The following CNPY3 variants were observed in gnomAD, a reference collection of about 807,000 sequenced individuals.
The protein encoded by CNPY3 is canopy FGF signaling regulator 3.
CNPY3 carries 20 observed loss-of-function variants against 32.0 expected under a neutral mutation model. The observed-to-expected ratio is 0.63, with a 90% CI of 0.44 to 0.91. CNPY3 has a LOEUF of 0.91. CNPY3 is among the 40% of genes least tolerant of loss of function. The probability of loss-of-function intolerance (pLI) is 0.00; values close to 1 mark genes in which losing one functional copy is unlikely to be tolerated. For missense variants in CNPY3, 299 were observed against 340.8 expected, an observed-to-expected ratio of 0.88 and a Z score of 0.97; for synonymous variants, 138 against 142.9, an observed-to-expected ratio of 0.97 and a Z score of 0.24.
chr6:42,938,229 C>G, intron 5 of CNPY3, 22 bp downstream of exon 5: 1 of 1,564,964 alleles, frequency 6.4e-7, no homozygotes, highest in East Asian at 2.2e-5. Context: ...GAAGCAAGGG[C>G]AGGCTGGCTC....
At chr6:42,931,366 C>G (rs908987118) in intron 1 of CNPY3, among the ~76,000 whole-genome samples, 1 of 149,348 alleles carries the variant, frequency 6.7e-6, no homozygotes, top group African/African-American at 2.6e-5. Context: ...GCATGAGCCA[C>G]CGTGCCTGGC....
rs755113974 is a variant in CNPY3, at chr6:42,929,544, C to A, written c.-27C>A. On this transcript the variant is annotated 5_prime_UTR_variant, in exon 1 of 6. Coordinates refer to ENST00000372836, the MANE Select transcript of CNPY3 (RefSeq NM_006586.5). ...GCCGCGGGAGGAGGAACCGCCCGGT[C>A]CTTTAGGGTCCGGGCCCGGCCGGGC... is the stretch of plus-strand genomic sequence containing the variant. 1.3e-6 allele frequency: 2 copies of A among 1,554,156 alleles called. No individual in the cohort carries two copies. Among genetic ancestry groups the A allele is most frequent in the Non-Finnish European group, 1.7e-6 (2 of 1,148,522 alleles).
intron 3 of CNPY3, among the ~76,000 whole-genome samples, chr6:42,936,365 A>G (rs1768234345): frequency 6.6e-6 from 1 of 152,254 alleles, no homozygotes; most frequent in Non-Finnish European, 1.5e-5. Flanking sequence ...TTTAATAAAA[A>G]GTGTTTAAGA....
At chr6:42,935,817 C>A in intron 3 of CNPY3, 147 bp downstream of exon 3, 1 of 956,182 alleles carries the variant, frequency 1.0e-6, no homozygotes, top group Non-Finnish European at 1.5e-6. Context: ...GTTTGTGCTC[C>A]TCCCCTCTTG....
Position 42,938,554 on chromosome 6 carries a change from C to A in CNPY3, c.614-14C>A. 6.4e-7 allele frequency: 1 copy of A among 1,565,698 alleles called. No individual in the cohort carries two copies. Among genetic ancestry groups the A allele is most frequent in the South Asian group, 1.2e-5 (1 of 85,452 alleles). ...AGGCACTTCTGTTGAGGGTCTCTCT[C>A]CTCCACACCCTAGGTTGCCTGGCAG... On this transcript the variant is annotated splice_polypyrimidine_tract_variant and intron_variant, in intron 5 of 5. Transcript: ENST00000372836.
At chr6:42,929,770 C>T (rs761332441) in intron 1 of CNPY3, 49 bp downstream of exon 1, 4 of 1,514,020 alleles carry the variant, frequency 2.6e-6, no homozygotes, top group South Asian at 1.2e-5. Flanking sequence ...GGGCTGGCTC[C>T]AGCGGTGGTG....
At position 42,934,469 on chromosome 6, in the gene CNPY3, C is replaced by T; in HGVS notation, c.152-6C>T. The T allele has an allele frequency of 6.2e-7, 1 of 1,613,952 alleles. No individual in the cohort carries two copies. The highest frequency in any genetic ancestry group is 8.5e-7 in the Non-Finnish European group (1 of 1,179,920). Reference sequence around the variant, plus strand: ...CTCAGTGGGCTGTGCTACCTCCCTCCCCCAGTGTGTAAATATGTTGCTGTG... The same window carrying T: ...CTCAGTGGGCTGTGCTACCTCCCTCTCCCAGTGTGTAAATATGTTGCTGTG... On this transcript the variant is annotated splice_polypyrimidine_tract_variant and splice_region_variant and intron_variant, in intron 1 of 5. Transcript: ENST00000372836.
chr6:42,929,772 G>A (rs1282222864), intron 1 of CNPY3, 51 bp downstream of exon 1: 35 of 1,511,736 alleles, frequency 2.3e-5, no homozygotes, highest in Non-Finnish European at 3.0e-5. Context: ...GCTGGCTCCA[G>A]CGGTGGTGCT....
intron 4 of CNPY3, 35 bp downstream of exon 4, chr6:42,937,874 GC>G (rs1449596718): frequency 6.2e-6 from 10 of 1,613,074 alleles, no homozygotes; most frequent in Non-Finnish European, 8.5e-6. Context: ...GGGTTGCTGT[GC>G]CCAGTGAGGG....
At chr6:42,934,437 A>G (rs760025708) in intron 1 of CNPY3, 38 bp from the exon 2 acceptor site, 10 of 1,612,898 alleles carry the variant, frequency 6.2e-6, no homozygotes, top group Non-Finnish European at 8.5e-6. Flanking sequence ...CATTAGACTC[A>G]TGTGCACTCA....
chr6:42,938,102 G>A lies in CNPY3; in HGVS notation c.508G>A (p.Val170Met), dbSNP rs1424855604. 12 of 1,613,760 alleles carry A rather than the reference G, an allele frequency of 7.4e-6. No individual in the cohort carries two copies. The East Asian group carries it at 2.5e-4, about 33-fold the overall frequency. Residue 170 changes from valine (V) to methionine (M), a missense_variant, in exon 5 of 6, where the codon GTG (valine) becomes ATG (methionine). Physicochemically the swap from Val to Met is conservative, Grantham distance 21. This residue lies in a region of CNPY3 where 211 missense variants were observed against 278.3 expected (regional missense o/e 0.76). Transcript: ENST00000372836. ...ADLKKQCDVLVEEFEEVIEDW... is the reference protein window; with the variant it reads ...ADLKKQCDVLMEEFEEVIEDW... ...TTATGATTAACAGTGTGATGTGCTG[G>A]TGGAAGAGTTTGAGGAGGTGATCGA... is the stretch of plus-strand genomic sequence containing the variant.
At chr6:42,937,283 G>A (rs1049005716) in intron 3 of CNPY3, among the ~76,000 whole-genome samples, 1 of 152,122 alleles carries the variant, frequency 6.6e-6, no homozygotes, top group Non-Finnish European at 1.5e-5. Flanking sequence ...TGGGAAGCAG[G>A]CCTAAAAGAG....
Position 42,934,575 on chromosome 6 carries a change from C to A in CNPY3, c.252C>A (p.Ala84=), listed in dbSNP as rs756037817. 5 of 1,614,044 alleles carry A rather than the reference C, an allele frequency of 3.1e-6. No individual in the cohort carries two copies. In the South Asian group the frequency reaches 5.5e-5, roughly 18 times the overall value. ...GCTATGGCATCCTGGACCAGAAGGC[C>A]TCTGGAGTCAAATACACCAAGTCGT... ...GTGYGILDQK[A]SGVKYTKSDL... is the part of the protein sequence containing the mutation. The change falls in exon 2 of 6, where the codon GCC becomes GCA. Residue 84 remains alanine (A), a synonymous_variant. Coordinates refer to ENST00000372836, the MANE Select transcript of CNPY3 (RefSeq NM_006586.5).
At chr6:42,935,536 G>C in intron 2 of CNPY3, 38 bp from the exon 3 acceptor site, 1 of 1,591,282 alleles carries the variant, frequency 6.3e-7, no homozygotes, top group South Asian at 1.1e-5. Context: ...ACTGCGGCTA[G>C]GAGGGGAACT....
chr6:42,929,932 T>A (rs893964031), intron 1 of CNPY3, among the ~76,000 whole-genome samples: 1 of 152,078 alleles, frequency 6.6e-6, no homozygotes, highest in African/African-American at 2.4e-5. Context: ...GCAATGATAA[T>A]TCAGAGTAGT....
At chr6:42,938,041 G>A (rs755887713) in intron 4 of CNPY3, 49 bp from the exon 5 acceptor site, 7 of 1,553,356 alleles carry the variant, frequency 4.5e-6, no homozygotes, top group South Asian at 3.4e-5. Flanking sequence ...TCCTCTAGGA[G>A]CGAGTCAGGT....
chr6:42,933,136 T>C (rs1051650358), intron 1 of CNPY3, among the ~76,000 whole-genome samples: 8 of 152,138 alleles, frequency 5.3e-5, no homozygotes, highest in South Asian at 2.1e-4. Context: ...CTAGAGCAAT[T>C]GGCATTAGTG....
intron 1 of CNPY3, 111 bp from the exon 2 acceptor site, chr6:42,934,364 T>G: frequency 7.5e-7 from 1 of 1,332,462 alleles, no homozygotes; most frequent in Non-Finnish European, 1.1e-6. Flanking sequence ...TGAGTGCTGA[T>G]TTTGGTCCTC....
chr6:42,929,856 G>A (rs574772910), intron 1 of CNPY3, 135 bp downstream of exon 1: 6 of 1,041,496 alleles, frequency 5.8e-6, no homozygotes, highest in African/African-American at 4.8e-5. Flanking sequence ...GGCTTGCGCC[G>A]GGACGCTGCG....
Sources: allele counts gnomAD v4.1 joint callset (sites outside exome capture counted in the v4.1 genomes callset), GRCh38; gene constraint gnomAD v4.1.1; regional missense constraint gnomAD v4.1.1; transcripts MANE v1.5; gene names NCBI Gene and HGNC (gene_info 2026-07-23, HGNC 2026-07-21).